The following RTTN variants were observed in gnomAD, a reference collection of about 807,000 sequenced individuals.
RTTN encodes the protein rotatin.
RTTN carries 182 observed loss-of-function variants against 269.2 expected under a neutral mutation model. The ratio of observed to expected loss-of-function variants is 0.68; its 90% CI spans 0.60 to 0.76. RTTN has a LOEUF of 0.76. Ranked by LOEUF, RTTN falls within the 30% of genes least tolerant of loss-of-function variation. The pLI is 0.00. For synonymous variants in RTTN, 1,006 were observed against 963.5 expected (o/e 1.04, Z -0.82); for missense variants, 2,545 against 2,608.6 (o/e 0.98, Z 0.53).
intron 44 of RTTN, among the ~76,000 whole-genome samples, chr18:70,024,437 T>C (rs978644940): frequency 6.6e-5 from 10 of 152,178 alleles, no homozygotes; most frequent in African/African-American, 2.4e-4. Flanking sequence ...ATAATTTTTA[T>C]CCTCTCAATT....
intron 5 of RTTN, among the ~76,000 whole-genome samples, chr18:70,198,577 T>A (rs2061870851): frequency 6.6e-6 from 1 of 152,200 alleles, no homozygotes; most frequent in Non-Finnish European, 1.5e-5. Context: ...TATTGTGGCA[T>A]TTATGAAACT....
At chr18:70,045,911 A>C (rs1244238060) in intron 40 of RTTN, among the ~76,000 whole-genome samples, 1 of 152,256 alleles carries the variant, frequency 6.6e-6, no homozygotes, top group Non-Finnish European at 1.5e-5. Context: ...AATCATTGAG[A>C]TATTCTGTGA....
intron 10 of RTTN, among the ~76,000 whole-genome samples, chr18:70,181,432 T>C (rs1396478031): frequency 6.6e-6 from 1 of 152,202 alleles, no homozygotes; most frequent in Non-Finnish European, 1.5e-5. Context: ...CTAGGGGGAA[T>C]GACATATGAC....
chr18:70,041,303 C>T (rs2057333069), intron 40 of RTTN, among the ~76,000 whole-genome samples: 1 of 151,958 alleles, frequency 6.6e-6, no homozygotes, highest in Admixed American at 6.6e-5. Context: ...AGTTAAGACT[C>T]CTAAGGAAAT....
intron 40 of RTTN, among the ~76,000 whole-genome samples, chr18:70,042,437 G>C (rs781378093): frequency 7.0e-6 from 1 of 142,524 alleles, no homozygotes. Context: ...GTGCAGTGGC[G>C]TGATCTCTGC....
intron 27 of RTTN, among the ~76,000 whole-genome samples, chr18:70,113,835 T>C (rs1331226372): frequency 2.0e-5 from 3 of 152,120 alleles, no homozygotes; most frequent in Non-Finnish European, 4.4e-5. Flanking sequence ...ATATCCAGAA[T>C]AGGCAAATCC....
chr18:70,100,835 CAT>C (rs1400075627), intron 28 of RTTN, among the ~76,000 whole-genome samples: 1 of 152,092 alleles, frequency 6.6e-6, no homozygotes, highest in Non-Finnish European at 1.5e-5. Context: ...TTGAGATAAT[CAT>C]GTGGTTTTTG....
rs1412409539 is a variant in RTTN, at chr18:70,127,666, C to T, written c.3219G>A (p.Gln1073=). The change falls in exon 25 of 49, where the codon CAG becomes CAA. Residue 1073 remains glutamine (Q), a synonymous_variant. Transcript: ENST00000640769. Reference sequence around the variant, plus strand: ...CCTGAACAATGGAATGGAGGCAGTCCTGCAGCCCACTAGCCATGTGTGTTA... The same window carrying T: ...CCTGAACAATGGAATGGAGGCAGTCTTGCAGCCCACTAGCCATGTGTGTTA... ...LKITHMASGL[Q]DCLHSIVQAA... 6.2e-7 allele frequency: 1 copy of T among 1,613,424 alleles called. No individual in the cohort carries two copies. The highest frequency in any genetic ancestry group is 1.3e-5 in the African/African-American group (1 of 74,960).
intron 19 of RTTN, 25 bp downstream of exon 19, chr18:70,142,263 A>G: frequency 7.1e-7 from 1 of 1,406,220 alleles, no homozygotes; most frequent in Non-Finnish European, 1.0e-6. Context: ...GCAGTACAGC[A>G]ATCATTTCCC....
At chr18:70,137,794 A>C (rs1460613576) in intron 21 of RTTN, among the ~76,000 whole-genome samples, 1 of 152,120 alleles carries the variant, frequency 6.6e-6, no homozygotes, top group Non-Finnish European at 1.5e-5. Context: ...AGGAATCCCC[A>C]ATTACAAGTA....
At chr18:70,179,254 T>G (rs1300590003) in intron 10 of RTTN, among the ~76,000 whole-genome samples, 1 of 152,192 alleles carries the variant, frequency 6.6e-6, no homozygotes, top group Non-Finnish European at 1.5e-5. Flanking sequence ...CTTATTATAT[T>G]GACAGGCAAT....
chr18:70,119,058 T>G (rs2059670516), intron 26 of RTTN, among the ~76,000 whole-genome samples: 1 of 152,012 alleles, frequency 6.6e-6, no homozygotes, highest in African/African-American at 2.4e-5. Context: ...GTCTATTCAA[T>G]ATGGTACTGG....
chr18:70,063,207 T>G (rs2058039649), intron 35 of RTTN, among the ~76,000 whole-genome samples: 1 of 152,192 alleles, frequency 6.6e-6, no homozygotes, highest in South Asian at 2.1e-4. Flanking sequence ...AATTTGCATT[T>G]TCTCTAACAA....
intron 39 of RTTN, 109 bp downstream of exon 39, chr18:70,051,302 G>T: frequency 7.9e-7 from 1 of 1,269,376 alleles, no homozygotes; most frequent in Non-Finnish European, 1.1e-6. Flanking sequence ...TCTTTTATAT[G>T]CCATGCTATA....
intron 10 of RTTN, among the ~76,000 whole-genome samples, chr18:70,182,260 G>C (rs1374727854): frequency 2.0e-5 from 3 of 151,994 alleles, no homozygotes; most frequent in African/African-American, 7.2e-5. Flanking sequence ...AAAAGTTTGG[G>C]TTTCTTTCTT....
chr18:70,065,724 A>G (rs1340281720), intron 35 of RTTN, 105 bp downstream of exon 35: 2 of 615,118 alleles, frequency 3.3e-6, no homozygotes, highest in East Asian at 5.4e-5. Flanking sequence ...TCTACAACTT[A>G]TTTCATTAAA....
intron 24 of RTTN, 156 bp downstream of exon 24, chr18:70,128,202 T>C (rs1253192517): frequency 1.7e-6 from 1 of 599,130 alleles, no homozygotes; most frequent in East Asian, 2.8e-5. Context: ...TAAACACATG[T>C]AATATTTAAA....
chr18:70,099,583 A>C (rs975689662), intron 28 of RTTN, among the ~76,000 whole-genome samples: 2 of 152,132 alleles, frequency 1.3e-5, no homozygotes, highest in Non-Finnish European at 2.9e-5. Context: ...TCTTTAGTTT[A>C]ATTAGATCCC....
At chr18:70,145,025 G>A (rs916244555) in intron 18 of RTTN, among the ~76,000 whole-genome samples, 9 of 152,174 alleles carry the variant, frequency 5.9e-5, no homozygotes, top group Non-Finnish European at 1.0e-4. Context: ...ATTTACAGCC[G>A]CTGCCCATTG....
Sources: allele counts gnomAD v4.1 joint callset (sites outside exome capture counted in the v4.1 genomes callset), GRCh38; gene constraint gnomAD v4.1.1; transcripts MANE v1.5; gene names NCBI Gene and HGNC (gene_info 2026-07-23, HGNC 2026-07-21).